Variants in RPF2 observed in about 807,000 individuals in gnomAD.
RPF2 encodes the protein brix domain containing 1.
RPF2 carries 21 observed loss-of-function variants against 38.9 expected under a neutral mutation model. That is an observed-to-expected ratio of 0.54 (90% CI 0.38 to 0.78). The LOEUF (loss-of-function observed/expected upper bound fraction) is 0.78. Ranked by LOEUF, RPF2 falls within the 30% of genes least tolerant of loss-of-function variation. The pLI is 0.00. For synonymous variants in RPF2, 121 were observed against 126.2 expected, an observed-to-expected ratio of 0.96 and a Z score of 0.28; for missense variants, 314 against 358.1, an observed-to-expected ratio of 0.88 and a Z score of 0.99.
In RPF2 at chr6:111,025,419, A is replaced by T. The variant is rs1772306153; in HGVS notation, c.758A>T (p.Asn253Ile). 7 of 1,602,860 alleles carry T rather than the reference A, an allele frequency of 4.4e-6. No individual in the cohort carries two copies. Among genetic ancestry groups the T allele is most frequent in the Admixed American group, 3.4e-5 (2 of 58,240 alleles). Residue 253 changes from asparagine to isoleucine, a missense_variant, in exon 10 of 10, where the codon AAT becomes ATT. By Grantham distance (149) the Asn-to-Ile change is moderately radical (BLOSUM62 -3). Transcript: ENST00000441448. ...TTATCGTAGCCAAAGAAGAAGAAAA[A>T]TATTTCCCATGATACTTTTGGTACA... is the stretch of plus-strand genomic sequence containing the variant. ...PKALKPKKKK[N>I]ISHDTFGTTY...
intron 7 of RPF2, among the ~76,000 whole-genome samples, chr6:111,012,713 A>G (rs1772041133): frequency 6.6e-6 from 1 of 152,152 alleles, no homozygotes; most frequent in East Asian, 1.9e-4. Flanking sequence ...TCTGTCACCC[A>G]GGCTGGAGTG....
In RPF2 at chr6:111,027,979, G is replaced by C. The variant is rs1772363971; in HGVS notation, c.*2397G>C. ...TGGAGACTATGTATTCATTTCAATG[G>C]AGGTGGTAAATTGCCTGTTTTAAGT... is the stretch of plus-strand genomic sequence containing the variant. On this transcript the variant is annotated 3_prime_UTR_variant, in exon 10 of 10. Coordinates refer to ENST00000441448, the MANE Select transcript of RPF2 (RefSeq NM_032194.3). The C allele has an allele frequency of 6.6e-6, 1 of 152,152 alleles. No homozygotes were observed. The highest frequency in any genetic ancestry group is 1.5e-5 in the Non-Finnish European group (1 of 68,018). 9.4% of individuals were successfully genotyped at this position (152,152 alleles called of 1,614,324 possible). A position where few individuals can be genotyped will look rare whatever the true frequency, so the allele number is the denominator to read the frequency against.
chr6:111,014,590 T>A (rs901833841), intron 7 of RPF2, among the ~76,000 whole-genome samples: 2 of 152,204 alleles, frequency 1.3e-5, no homozygotes, highest in African/African-American at 4.8e-5. Flanking sequence ...AATTTCCCAC[T>A]TACTACATCA....
chr6:110,991,824 AAGT>A, intron 4 of RPF2, 38 bp downstream of exon 4: 2 of 864,068 alleles, frequency 2.3e-6, no homozygotes, highest in Non-Finnish European at 3.5e-6. Flanking sequence ...GAAAGCATAT[AAGT>A]AGTAATTATT....
chr6:111,014,335 T>C (rs935052540), intron 7 of RPF2, among the ~76,000 whole-genome samples: 1 of 152,116 alleles, frequency 6.6e-6, no homozygotes, highest in Non-Finnish European at 1.5e-5. Flanking sequence ...GGTTTCACTG[T>C]GTTAGCCCCT....
intron 8 of RPF2, among the ~76,000 whole-genome samples, chr6:111,021,004 C>T (rs1046121056): frequency 1.3e-5 from 2 of 151,942 alleles, no homozygotes; most frequent in Admixed American, 6.6e-5. Context: ...ATCATCTATA[C>T]TAAAAATACA....
At chr6:110,987,819 T>C (rs531574267) in intron 2 of RPF2, among the ~76,000 whole-genome samples, 1 of 152,278 alleles carries the variant, frequency 6.6e-6, no homozygotes, top group East Asian at 1.9e-4. Flanking sequence ...CCTGATGACA[T>C]CTTTGTTATT....
intron 6 of RPF2, among the ~76,000 whole-genome samples, chr6:111,007,020 A>G (rs921992750): frequency 8.5e-5 from 13 of 152,086 alleles, no homozygotes; most frequent in Non-Finnish European, 4.4e-5. Flanking sequence ...CAGCCTGGGC[A>G]GCAAGAGTGA....
At chr6:111,023,142 G>A (rs1338182281) in intron 8 of RPF2, among the ~76,000 whole-genome samples, 1 of 151,728 alleles carries the variant, frequency 6.6e-6, no homozygotes, top group Non-Finnish European at 1.5e-5. Flanking sequence ...CAGGTGATCT[G>A]CCTGCCTTAG....
intron 7 of RPF2, among the ~76,000 whole-genome samples, chr6:111,015,022 C>T (rs1025174392): frequency 1.1e-4 from 16 of 152,166 alleles, no homozygotes; most frequent in Non-Finnish European, 1.8e-4. Flanking sequence ...AAGCAATTCG[C>T]CCGCCTCAGT....
intron 8 of RPF2, among the ~76,000 whole-genome samples, chr6:111,016,850 C>G (rs889591079): frequency 1.3e-5 from 2 of 151,428 alleles, no homozygotes; most frequent in Non-Finnish European, 2.9e-5. Flanking sequence ...GTGTTTGTGT[C>G]CCTGGGTACT....
At chr6:111,004,349 A>AT (rs1484664964) in intron 6 of RPF2, among the ~76,000 whole-genome samples, 1 of 148,830 alleles carries the variant, frequency 6.7e-6, no homozygotes, top group Non-Finnish European at 1.5e-5. Context: ...TATGCAGCTA[A>AT]TTTTTTGTAT....
At chr6:111,020,309 G>A (rs956718749) in intron 8 of RPF2, among the ~76,000 whole-genome samples, 8 of 152,142 alleles carry the variant, frequency 5.3e-5, no homozygotes, top group South Asian at 2.1e-4. Context: ...TCTGCCTCCC[G>A]CATTCAAGCG....
At chr6:110,989,370 G>A (rs565370769) in intron 3 of RPF2, among the ~76,000 whole-genome samples, 5 of 152,164 alleles carry the variant, frequency 3.3e-5, no homozygotes, top group Non-Finnish European at 7.4e-5. Flanking sequence ...TTGCATAACC[G>A]TAATGCAATG....
At chr6:110,985,449 A>T (rs909720054) in intron 2 of RPF2, among the ~76,000 whole-genome samples, 3 of 152,026 alleles carry the variant, frequency 2.0e-5, no homozygotes, top group African/African-American at 7.3e-5. Flanking sequence ...TTTAGGAAAA[A>T]ATCTAATTTG....
chr6:111,016,449 T>G (rs1169282363), intron 8 of RPF2, among the ~76,000 whole-genome samples: 1 of 151,958 alleles, frequency 6.6e-6, no homozygotes, highest in Non-Finnish European at 1.5e-5. Context: ...CCAGAAAAAT[T>G]AGCCCAGCGT....
intron 6 of RPF2, among the ~76,000 whole-genome samples, chr6:111,001,572 C>T (rs1351817538): frequency 6.6e-6 from 1 of 152,034 alleles, no homozygotes; most frequent in Non-Finnish European, 1.5e-5. Context: ...CAAGCTCTCA[C>T]AGTGTTGCCC....
chr6:110,995,919 C>T (rs1771703394), intron 4 of RPF2, among the ~76,000 whole-genome samples: 1 of 151,908 alleles, frequency 6.6e-6, no homozygotes, highest in Non-Finnish European at 1.5e-5. Context: ...CTCAAGCGAT[C>T]CTTCCTCCCA....
At chr6:111,024,481 A>C (rs1450676223) in intron 9 of RPF2, among the ~76,000 whole-genome samples, 154 bp downstream of exon 9, 1 of 152,104 alleles carries the variant, frequency 6.6e-6, no homozygotes, top group Admixed American at 6.6e-5. Flanking sequence ...TGGGAGGCCG[A>C]AGTGGGTGGA....
Sources: gnomAD v4.1 joint callset for allele counts (sites outside exome capture counted in the v4.1 genomes callset) on GRCh38, gnomAD v4.1.1 for gene constraint, MANE v1.5 for transcripts, NCBI Gene and HGNC (gene_info 2026-07-23, HGNC 2026-07-21) for gene names.